SPAG1: variants seen among roughly 807,000 people sequenced by gnomAD.
SPAG1 encodes sperm associated antigen 1.
SPAG1 carries 69 observed loss-of-function variants against 100.5 expected under a neutral mutation model. That is an observed-to-expected ratio of 0.69 (90% CI 0.57 to 0.84). SPAG1 has a LOEUF of 0.84. Among genes scored for constraint, SPAG1 ranks in the 40% least tolerant of loss-of-function variants. The pLI, the probability that SPAG1 is intolerant of heterozygous loss-of-function variation, is 0.00. For synonymous variants in SPAG1, 336 were observed against 411.6 expected, an observed-to-expected ratio of 0.82 and a Z score of 2.22; for missense variants, 955 against 1,133.1, an observed-to-expected ratio of 0.84 and a Z score of 2.26.
intron 2 of SPAG1, 100 bp from the exon 3 acceptor site, chr8:100,165,714 C>A: frequency 1.1e-6 from 1 of 906,536 alleles, no homozygotes; most frequent in Non-Finnish European, 1.7e-6. Context: ...TTGAGATCTC[C>A]ACAGAACCTC....
In SPAG1 at chr8:100,213,264, C is replaced by T; in HGVS notation, c.1271C>T (p.Ala424Val). 1.7e-6 allele frequency: 2 copies of T among 1,175,620 alleles called. No homozygotes were observed. Among genetic ancestry groups the T allele is most frequent in the Non-Finnish European group, 2.1e-6 (2 of 952,950 alleles). The allele number at this position is 1,175,620 out of a possible 1,614,324, so 72.8% of individuals were successfully genotyped here. ...ADKRSPRRAS[A>V]AAAAGGGATG... ...AAGCGGAGCCCACGGCGGGCCTCTG[C>T]GGCGGCGGCGGCGGGCGGCGGCGCC... The change falls in exon 11 of 19, where the codon GCG becomes GTG. Residue 424 changes from alanine (A) to valine (V), a missense_variant. Physicochemically the swap from Ala to Val is moderately conservative, Grantham distance 64. Coordinates refer to ENST00000388798, the MANE Select transcript of SPAG1 (RefSeq NM_003114.5).
chr8:100,229,133 C>A (rs1479334958), intron 14 of SPAG1, among the ~76,000 whole-genome samples: 1 of 152,152 alleles, frequency 6.6e-6, no homozygotes, highest in African/African-American at 2.4e-5. Context: ...GTAGGCCGGG[C>A]GTGGTGGCTC....
intron 4 of SPAG1, among the ~76,000 whole-genome samples, chr8:100,179,098 A>G (rs563952727): frequency 4.3e-4 from 63 of 148,078 alleles, no homozygotes; most frequent in African/African-American, 1.5e-3. Context: ...ACAAACAAAA[A>G]AACTCTGGGC....
chr8:100,197,611 T>G (rs1817089261), intron 10 of SPAG1, among the ~76,000 whole-genome samples: 1 of 152,160 alleles, frequency 6.6e-6, no homozygotes, highest in Admixed American at 6.5e-5. Flanking sequence ...GTTGGAATCT[T>G]TACATGTGGT....
intron 4 of SPAG1, among the ~76,000 whole-genome samples, chr8:100,179,674 T>G (rs1202182440): frequency 6.6e-6 from 1 of 152,230 alleles, no homozygotes; most frequent in Non-Finnish European, 1.5e-5. Flanking sequence ...AGGCACCACG[T>G]TGTATATACA....
At chr8:100,232,953 C>G (rs1325289262) in intron 15 of SPAG1, among the ~76,000 whole-genome samples, 1 of 152,198 alleles carries the variant, frequency 6.6e-6, no homozygotes, top group East Asian at 1.9e-4. Context: ...CTCGCTGTGT[C>G]CTTGGCCTCC....
chr8:100,204,795 C>T (rs1001979570), intron 10 of SPAG1, among the ~76,000 whole-genome samples: 2 of 152,152 alleles, frequency 1.3e-5, no homozygotes, highest in Non-Finnish European at 2.9e-5. Context: ...AATTGCTCTT[C>T]TCTGTATGTC....
intron 14 of SPAG1, among the ~76,000 whole-genome samples, chr8:100,226,041 G>A (rs1310686320): frequency 4.0e-5 from 6 of 148,742 alleles, no homozygotes; most frequent in Non-Finnish European, 7.4e-5. Context: ...TTGATGTCCA[G>A]GCTAGAGTGC....
intron 10 of SPAG1, chr8:100,194,480 T>A: frequency 1.6e-6 from 1 of 642,624 alleles, no homozygotes; most frequent in Non-Finnish European, 2.7e-6. Context: ...CACCTTTTTC[T>A]AGTGCTCAGT....
intron 10 of SPAG1, among the ~76,000 whole-genome samples, chr8:100,196,806 G>A (rs548101385): frequency 6.6e-6 from 1 of 151,980 alleles, no homozygotes; most frequent in East Asian, 1.9e-4. Flanking sequence ...TCAGAGATAG[G>A]GTCTTGCTCT....
chr8:100,183,396 A>C lies in SPAG1; in HGVS notation c.448A>C (p.Thr150Pro), dbSNP rs771204009. The change falls in exon 5 of 19, where the codon ACT becomes CCT. Residue 150 changes from threonine (T) to proline (P), a missense_variant. By Grantham distance (38) the Thr-to-Pro change is conservative (BLOSUM62 -1). Transcript: ENST00000388798. Reference sequence around the variant, plus strand: ...TTAGGAAAAATATTCTAAAAGACCAACTAAAAAGAAAACTCCAAGGGATTA... The same window carrying C: ...TTAGGAAAAATATTCTAAAAGACCACCTAAAAAGAAAACTCCAAGGGATTA... The part of the protein sequence containing the change: ...VGKEKYSKRP[T>P]KKKTPRDYAE... 1 of 1,455,802 alleles carries C rather than the reference A, an allele frequency of 6.9e-7. No individual in the cohort carries two copies. Among genetic ancestry groups the C allele is most frequent in the South Asian group, 1.2e-5 (1 of 84,374 alleles). 90.2% of individuals were successfully genotyped at this position (1,455,802 alleles called of 1,614,324 possible).
intron 2 of SPAG1, among the ~76,000 whole-genome samples, chr8:100,162,729 G>A (rs554777787): frequency 1.3e-5 from 2 of 152,314 alleles, no homozygotes; most frequent in East Asian, 3.9e-4. Context: ...TGCAACCCCA[G>A]CACTTTGGGA....
chr8:100,165,950 GA>G lies in SPAG1; in HGVS notation c.283del (p.Ile95LeufsTer5), dbSNP rs748311204. 1.2e-6 allele frequency: 2 copies of G among 1,612,720 alleles called. No individual in the cohort carries two copies. The highest frequency in any genetic ancestry group is 1.7e-6 in the Non-Finnish European group (2 of 1,179,592). ...TAASFTAEEW[E>X]KIDGDIKSWV... Reference sequence around the variant, plus strand: ...AGCCAGTTTTACAGCTGAAGAATGGGAAAAAATTGATGGTGATATAAAGGTA... The same window carrying G: ...AGCCAGTTTTACAGCTGAAGAATGGGAAAAATTGATGGTGATATAAAGGTA... On this transcript the variant is annotated frameshift_variant, in exon 3 of 19. Transcript: ENST00000388798. LOFTEE classifies it high-confidence loss of function.
At chr8:100,202,438 C>T (rs981496484) in intron 10 of SPAG1, among the ~76,000 whole-genome samples, 5 of 151,352 alleles carry the variant, frequency 3.3e-5, no homozygotes, top group East Asian at 1.9e-4. Flanking sequence ...AGGCCGGGCG[C>T]GGTGGCTCAT....
chr8:100,192,196 G>A (rs1374153433), intron 9 of SPAG1, among the ~76,000 whole-genome samples: 1 of 152,142 alleles, frequency 6.6e-6, no homozygotes, highest in Non-Finnish European at 1.5e-5. Context: ...TGAGTGCAGT[G>A]GCTCACGTCT....
In SPAG1 at chr8:100,213,241, GC is replaced by G; in HGVS notation, c.1249del (p.Arg417GlyfsTer32). Reference protein sequence around the residue: ...GQTPEAGADKRSPRRASAAAA... With the variant: ...GQTPEAGADKXSPRRASAAAA... ...AGACCCCGGAGGCCGGCGCGGACAA[GC>G]GGAGCCCACGGCGGGCCTCTGCGGC... On this transcript the variant is annotated frameshift_variant, in exon 11 of 19. Coordinates refer to ENST00000388798, the MANE Select transcript of SPAG1 (RefSeq NM_003114.5). LOFTEE classifies it high-confidence loss of function. 1 of 1,324,238 alleles carries G rather than the reference GC, an allele frequency of 7.6e-7. No individual in the cohort carries two copies. Among genetic ancestry groups the G allele is most frequent in the Non-Finnish European group, 9.6e-7 (1 of 1,039,740 alleles). 82.0% of individuals were successfully genotyped at this position (1,324,238 alleles called of 1,614,324 possible). A position where few individuals can be genotyped will look rare whatever the true frequency, so the allele number is the denominator to read the frequency against.
At chr8:100,212,957 C>T in intron 10 of SPAG1, 133 bp from the exon 11 acceptor site, 2 of 668,778 alleles carry the variant, frequency 3.0e-6, no homozygotes, top group Non-Finnish European at 4.4e-6. Context: ...AGGCTCCGCC[C>T]GCAGGGGCGG....
intron 3 of SPAG1, among the ~76,000 whole-genome samples, chr8:100,168,696 T>TG (rs1190146460): frequency 1.6e-5 from 2 of 126,994 alleles, no homozygotes; most frequent in East Asian, 4.7e-4. Context: ...TCTTTTTTTT[T>TG]TTGTTGTTGA....
At position 100,217,001 on chromosome 8, in the gene SPAG1, A is replaced by G. The variant is rs1818025909; in HGVS notation, c.1535+3083A>G. On this transcript the variant is annotated intron_variant, in intron 12 of 18. Transcript: ENST00000388798. ...CCCGAGGCTGGAGTGCAGTGGCGCA[A>G]TCTCAGCTCATTGCAACCTCTGCCT... 2.1e-5 allele frequency among the ~76,000 whole-genome samples: 3 copies of G among 140,832 alleles called. 1 individual carries two copies. The South Asian group carries it at 6.5e-4, about 30-fold the overall frequency. The allele number at this position is 140,832 out of a possible 152,430, so 92.4% of individuals were successfully genotyped here.
Sources: allele counts gnomAD v4.1 joint callset (sites outside exome capture counted in the v4.1 genomes callset), GRCh38; gene constraint gnomAD v4.1.1; transcripts MANE v1.5; gene names NCBI Gene and HGNC (gene_info 2026-07-23, HGNC 2026-07-21).